PRH1: variants seen among roughly 807,000 people sequenced by gnomAD.
PRH1 encodes the protein proline rich protein HaeIII subfamily 1, also known as salivary acidic proline-rich phosphoprotein 1/2.
Under a neutral mutation model 7.9 loss-of-function variants are expected in PRH1, and 7 were observed. That is an observed-to-expected ratio of 0.89 (90% confidence interval 0.50 to 1.67). The LOEUF is 1.67. PRH1 is among the 40% of genes most tolerant of loss of function. The pLI, the probability that PRH1 is intolerant of heterozygous loss-of-function variation, is 0.00. For synonymous variants in PRH1, 45 were observed against 80.8 expected, an observed-to-expected ratio of 0.56 and a Z score of 2.38; for missense variants, 109 against 223.6, an observed-to-expected ratio of 0.49 and a Z score of 3.27.
intron 1 of PRH1, among the ~76,000 whole-genome samples, chr12:11,030,166 A>G (rs1250287140): frequency 6.6e-6 from 1 of 151,400 alleles, no homozygotes; most frequent in Non-Finnish European, 1.5e-5. Flanking sequence ...GGCAGTTTGT[A>G]TGAAAAAAAC....
chr12:11,148,269 T>C (rs929680172), intron 1 of PRH1, among the ~76,000 whole-genome samples: 1 of 151,742 alleles, frequency 6.6e-6, no homozygotes, highest in African/African-American at 2.4e-5. Context: ...CCTAATTGAA[T>C]ACCCTTTATT....
Position 11,096,474 on chromosome 12 carries a change from A to G in PRH1, n.124-49286T>C, listed in dbSNP as rs1242859743. ...TTCCTAAAATCAAGTTATTAAAAAAAGTTTTTTTAAACTTTTAGTATACCT... is the reference window on the plus strand; with the variant it reads ...TTCCTAAAATCAAGTTATTAAAAAAGGTTTTTTTAAACTTTTAGTATACCT... On this transcript the variant is annotated intron_variant and non_coding_transcript_variant, in intron 1 of 4. Coordinates refer to the PRH1 transcript ENST00000541977. Among the ~76,000 whole-genome samples the G allele has an allele frequency of 1.8e-5, 2 of 112,330 alleles. 1 individual carries two copies. The highest frequency in any genetic ancestry group is 5.9e-5 in the African/African-American group (2 of 33,680). 73.7% of individuals were successfully genotyped at this position (112,330 alleles called of 152,430 possible).
intron 2 of PRH1, among the ~76,000 whole-genome samples, chr12:10,913,994 C>G (rs1949937908): frequency 6.6e-6 from 1 of 152,216 alleles, no homozygotes; most frequent in Non-Finnish European, 1.5e-5. Context: ...AAGTATGAGA[C>G]TGGCCTCTTG....
At chr12:10,918,528 G>A (rs762570322) in intron 2 of PRH1, among the ~76,000 whole-genome samples, 7 of 152,300 alleles carry the variant, frequency 4.6e-5, no homozygotes, top group East Asian at 1.9e-4. Context: ...AGATGAAGTC[G>A]TAGAAATGGG....
At chr12:11,008,746 G>A (rs984497225) in intron 1 of PRH1, among the ~76,000 whole-genome samples, 1 of 141,366 alleles carries the variant, frequency 7.1e-6, no homozygotes, top group Admixed American at 7.3e-5. Context: ...TTAATTTTAT[G>A]AATTTACTAT....
At chr12:10,988,355 T>C (rs1239614638) in intron 1 of PRH1, among the ~76,000 whole-genome samples, 1 of 151,676 alleles carries the variant, frequency 6.6e-6, no homozygotes, top group African/African-American at 2.4e-5. Context: ...AGATGGGGAG[T>C]GGCAAAGTTT....
rs1207453935 is a variant in PRH1 at position 10,884,003 on chromosome 12, GA to G, written c.64+150del. The G allele has an allele frequency of 1.0e-5, 9 of 871,748 alleles. No homozygotes were observed. In the African/African-American group the frequency reaches 1.2e-4, roughly 12 times the overall value. 54.0% of individuals were successfully genotyped at this position (871,748 alleles called of 1,614,324 possible). A position where few individuals can be genotyped will look rare whatever the true frequency, so the allele number is the denominator to read the frequency against. ...AACTATGAGGCCTTGATGAGGAATGGAGGTACAATAGATCTTCTGATCCTCA... is the reference window on the plus strand; with the variant it reads ...AACTATGAGGCCTTGATGAGGAATGGGGTACAATAGATCTTCTGATCCTCA... On this transcript the variant is annotated intron_variant, in intron 1 of 3. Transcript: ENST00000543626.
intron 1 of PRH1, among the ~76,000 whole-genome samples, chr12:11,054,441 G>C (rs771971597): frequency 2.6e-4 from 39 of 152,104 alleles, no homozygotes; most frequent in Admixed American, 1.2e-3. Flanking sequence ...CACAAAATCT[G>C]GGTGATTTTA....
At chr12:11,117,245 TTAG>T (rs1296908323), downstream of PRH1, among the ~76,000 whole-genome samples, 2 of 152,078 alleles carry the variant, frequency 1.3e-5, no homozygotes, top group Non-Finnish European at 2.9e-5. Flanking sequence ...ACATAAAAAA[TTAG>T]TAGTATTTCT....
chr12:10,957,963 G>T (rs907895355), intron 2 of PRH1, among the ~76,000 whole-genome samples: 1 of 152,132 alleles, frequency 6.6e-6, no homozygotes, highest in Non-Finnish European at 1.5e-5. Context: ...ACTGCTGGTG[G>T]GGAGGTAAAT....
At chr12:10,904,107 T>G (rs564083552) in intron 2 of PRH1, among the ~76,000 whole-genome samples, 1 of 151,612 alleles carries the variant, frequency 6.6e-6, no homozygotes. Flanking sequence ...CCAAAGCAAT[T>G]TACAGATTCA....
chr12:11,083,779 T>C (rs1293326890), intron 1 of PRH1, among the ~76,000 whole-genome samples: 1 of 152,278 alleles, frequency 6.6e-6, no homozygotes, highest in African/African-American at 2.4e-5. Context: ...TAAATTTCAA[T>C]TTATTAAAAA....
At chr12:11,123,393 T>C (rs1009748214) in intron 1 of PRH1, among the ~76,000 whole-genome samples, 2 of 152,146 alleles carry the variant, frequency 1.3e-5, no homozygotes, top group African/African-American at 2.4e-5. Context: ...CTCACAGACA[T>C]AGAAAAGCCC....
Position 11,088,806 on chromosome 12 carries a change from C to G in PRH1, n.124-41618G>C, listed in dbSNP as rs370649918. 1.5e-4 allele frequency among the ~76,000 whole-genome samples: 17 copies of G among 115,856 alleles called. 4 individuals carry two copies. In the East Asian group the frequency reaches 2.1e-3, roughly 14 times the overall value. 76.0% of individuals were successfully genotyped at this position (115,856 alleles called of 152,430 possible). ...GATGATCCAGCAGGATTCAAAGATG[C>G]TAGAAACATACATAGTGGTCATTAT... On this transcript the variant is annotated intron_variant and non_coding_transcript_variant, in intron 1 of 4. Coordinates refer to the PRH1 transcript ENST00000541977.
chr12:10,926,119 C>T (rs964032764), intron 2 of PRH1, among the ~76,000 whole-genome samples: 1 of 152,028 alleles, frequency 6.6e-6, no homozygotes, highest in African/African-American at 2.4e-5. Flanking sequence ...AGATGATTAC[C>T]ATGATAGTGA....
At chr12:11,084,515 TACTC>T (rs1454974931) in intron 1 of PRH1, among the ~76,000 whole-genome samples, 2 of 148,316 alleles carry the variant, frequency 1.3e-5, no homozygotes, top group African/African-American at 2.5e-5. Flanking sequence ...GATAATGCCA[TACTC>T]AGACAAACTA....
chr12:11,041,288 C>CAAA (rs67144212), intron 1 of PRH1, among the ~76,000 whole-genome samples: 10 of 81,382 alleles, frequency 1.2e-4, no homozygotes, highest in East Asian at 8.3e-4. Context: ...CAATGCAAAC[C>CAAA]AAAAAAAAAA....
chr12:11,059,105 A>G (rs1235376108), intron 1 of PRH1, among the ~76,000 whole-genome samples: 1 of 152,184 alleles, frequency 6.6e-6, no homozygotes, highest in Non-Finnish European at 1.5e-5. Flanking sequence ...CAGGGAAACA[A>G]TGGCCAATGG....
At chr12:11,022,650 C>T (rs1941720849) in intron 1 of PRH1, 12 of 1,028,050 alleles carry the variant, frequency 1.2e-5, no homozygotes, top group Admixed American at 2.6e-5. Flanking sequence ...CTTCGATGAA[C>T]ACTTGATTAC....
Sources: gnomAD v4.1 joint callset for allele counts (sites outside exome capture counted in the v4.1 genomes callset) on GRCh38, gnomAD v4.1.1 for gene constraint, MANE v1.5 for transcripts, NCBI Gene and HGNC (gene_info 2026-07-23, HGNC 2026-07-21) for gene names.